Variants in FANCG observed in about 807,000 individuals in gnomAD.
FANCG encodes FA complementation group G, also known as Fanconi anemia group G protein.
In FANCG, 67 loss-of-function variants were observed where a neutral mutation model predicts 73.3. The ratio of observed to expected loss-of-function variants is 0.91; its 90% CI spans 0.75 to 1.12. The LOEUF (loss-of-function observed/expected upper bound fraction) is 1.12, where lower values mean the gene tolerates loss of function less well. Among genes scored for constraint, FANCG ranks in the 50% most tolerant of loss-of-function variants. The pLI is 0.00. For synonymous variants in FANCG, 297 were observed against 311.6 expected, an observed-to-expected ratio of 0.95 and a Z score of 0.49; for missense variants, 643 against 735.6, an observed-to-expected ratio of 0.87 and a Z score of 1.46.
Position 35,079,160 on chromosome 9 carries a change from T to A in FANCG, c.166A>T (p.Ser56Cys). Reference protein sequence around the residue: ...ALEGLRGLLHSLQGLPAAVPV... With the variant: ...ALEGLRGLLHCLQGLPAAVPV... ...GGGAGGACCCGCCTACCTTGCAGAC[T>A]ATGGAGGAGCCCTCTGAGCCCTTCC... The change falls in exon 2 of 14, where the codon AGT becomes TGT. Residue 56 changes from serine (S) to cysteine (C), a missense_variant. Transcript: ENST00000378643. 5 of 1,607,374 alleles carry A rather than the reference T, an allele frequency of 3.1e-6. No individual in the cohort carries two copies. The highest frequency in any genetic ancestry group is 4.2e-6 in the Non-Finnish European group (5 of 1,177,038).
rs1456033447 is a variant in FANCG, at chr9:35,075,074, A to C, written c.1489T>G (p.Phe497Val). ...GACTTACATCCCTGCTCACAGTTGA[A>C]AGCTGCCCCTGGGGACCACTCCCAA... The part of the protein sequence containing the change: ...TPEEKEQGAA[F>V]NCEQGCKSDA... The change falls in exon 12 of 14, where the codon TTC becomes GTC. Residue 497 changes from phenylalanine to valine, a missense_variant. Physicochemically the swap from Phe to Val is conservative, Grantham distance 50. Transcript: ENST00000378643. 5 of 1,614,004 alleles carry C rather than the reference A, an allele frequency of 3.1e-6. No individual in the cohort carries two copies. Among genetic ancestry groups the C allele is most frequent in the Non-Finnish European group, 4.2e-6 (5 of 1,180,028 alleles).
At position 35,078,176 on chromosome 9, in the gene FANCG, G is replaced by A. The variant is rs2131058310; in HGVS notation, c.475C>T (p.Leu159=). Residue 159 remains leucine (L), a synonymous_variant, in exon 4 of 14, where the codon CTG becomes TTG. Transcript: ENST00000378643. ...LWLSADRLGD[L]ALLLETLNGS... ...TTCAGGGTCTCTAGTAACAAGGCCA[G>A]GTCCCCAAGACGGTCAGCACTCAAC... 1 of 1,614,160 alleles carries A rather than the reference G, an allele frequency of 6.2e-7. No homozygotes were observed.
intron 2 of FANCG, 83 bp downstream of exon 2, chr9:35,079,068 A>T: frequency 5.0e-6 from 6 of 1,206,420 alleles, no homozygotes; most frequent in Non-Finnish European, 7.2e-6. Context: ...CCGAGTAATT[A>T]TATCGATCCC....
chr9:35,079,807 C>G lies in FANCG; in HGVS notation c.-283G>C. ...TTGAAGAGTTAGTTCCCGCGGGAAA[C>G]TCGGGGAGGAAACGAGTCAGCAACC... On this transcript the variant is annotated 5_prime_UTR_variant, in exon 1 of 14. Transcript: ENST00000378643. The G allele has an allele frequency of 5.9e-6, 3 of 512,344 alleles. No individual in the cohort carries two copies. Among genetic ancestry groups the G allele is most frequent in the Non-Finnish European group, 1.1e-5 (3 of 279,700 alleles). The allele number at this position is 512,344 out of a possible 1,614,324, so 31.7% of individuals were successfully genotyped here. A position where few individuals can be genotyped will look rare whatever the true frequency, so the allele number is the denominator to read the frequency against.
rs1234235630 is a variant in FANCG, at chr9:35,079,900, G to A, written c.-376C>T. On this transcript the variant is annotated 5_prime_UTR_variant, in exon 1 of 14. Transcript: ENST00000378643. ...CTGGGGCAGTCGCACGGCCGGCGGT[G>A]CGGCCCGCTCGGCTCTCGCGGAGGC... 1.2e-5 allele frequency: 5 copies of A among 415,654 alleles called. No individual in the cohort carries two copies. Among genetic ancestry groups the A allele is most frequent in the Non-Finnish European group, 2.3e-5 (5 of 220,872 alleles). The allele number at this position is 415,654 out of a possible 1,614,324, so 25.7% of individuals were successfully genotyped here. A position where few individuals can be genotyped will look rare whatever the true frequency, so the allele number is the denominator to read the frequency against.
chr9:35,079,060 G>A (rs1027774894), intron 2 of FANCG, 91 bp downstream of exon 2: 5 of 1,124,974 alleles, frequency 4.4e-6, no homozygotes, highest in Non-Finnish European at 6.5e-6. Context: ...TCCCTGCCCC[G>A]AGTAATTATA....
Position 35,076,018 on chromosome 9 carries a change from C to T in FANCG, c.1087G>A (p.Ala363Thr), listed in dbSNP as rs768324970. 19 of 1,613,956 alleles carry T rather than the reference C, an allele frequency of 1.2e-5. No homozygotes were observed. Among genetic ancestry groups the T allele is most frequent in the Admixed American group, 1.2e-4 (7 of 60,010 alleles). ...RCLQTGRAGD[A>T]AEHYLDLLAL... ...AGCAGGTCCAAGTAATGCTCTGCAG[C>T]GTCTCCTGCCCTGAGGAGTAAAAGC... Residue 363 changes from alanine (A) to threonine (T), a missense_variant, in exon 9 of 14, where the codon GCT (alanine) becomes ACT (threonine). Coordinates refer to ENST00000378643, the MANE Select transcript of FANCG (RefSeq NM_004629.2).
chr9:35,076,759 T>C lies in FANCG; in HGVS notation c.889A>G (p.Thr297Ala), dbSNP rs1387115208. Residue 297 changes from threonine to alanine, a missense_variant, in exon 7 of 14, where the codon ACA becomes GCA. Thr to Ala is a moderately conservative substitution (Grantham distance 58, BLOSUM62 0). Transcript: ENST00000378643. ...SRLYQQLGDT[T>A]AELESLELLV... is the part of the protein sequence containing the mutation. Reference sequence around the variant, plus strand: ...AGCTCCAGACTCTCCAGCTCTGCTGTTGTGTCCCCCAGTTGCTGATAGAGC... The same window carrying C: ...AGCTCCAGACTCTCCAGCTCTGCTGCTGTGTCCCCCAGTTGCTGATAGAGC... The C allele has an allele frequency of 2.5e-6, 4 of 1,614,194 alleles. No homozygotes were observed. The highest frequency in any genetic ancestry group is 3.4e-6 in the Non-Finnish European group (4 of 1,180,030).
Position 35,075,734 on chromosome 9 carries a change from AGGGGAGG to A in FANCG, c.1157_1163del (p.Pro386LeufsTer15). ...ACACCTCAGGCATACAGGGCCCTGG[AGGGGAGG>A]GGGGTGGGGAGAACTGGAGTGGGAA... On this transcript the variant is annotated frameshift_variant, in exon 10 of 14. Coordinates refer to ENST00000378643, the MANE Select transcript of FANCG (RefSeq NM_004629.2). LOFTEE classifies it high-confidence loss of function. 4 of 602,796 alleles carry A rather than the reference AGGGGAGG, an allele frequency of 6.6e-6. No homozygotes were observed. Among genetic ancestry groups the A allele is most frequent in the South Asian group, 1.4e-5 (1 of 70,746 alleles). 37.3% of individuals were successfully genotyped at this position (602,796 alleles called of 1,614,324 possible). A position where few individuals can be genotyped will look rare whatever the true frequency, so the allele number is the denominator to read the frequency against.
At position 35,074,968 on chromosome 9, in the gene FANCG, T is replaced by C. The variant is rs1587139402; in HGVS notation, c.1595A>G (p.Lys532Arg). Residue 532 changes from lysine (K) to arginine (R), a missense_variant, in exon 12 of 14, where the codon AAA (lysine) becomes AGA (arginine). Physicochemically the swap from Lys to Arg is conservative, Grantham distance 26. Transcript: ENST00000378643. ...ACTGAGGAGGAAGTCCTGTAAGGCT[T>C]TGGTATCCTGGCCGCTGGCTACCCA... ...LEWVASGQDTKALQDFLLSVQ... is the reference protein window; with the variant it reads ...LEWVASGQDTRALQDFLLSVQ... The C allele has an allele frequency of 1.2e-6, 2 of 1,614,106 alleles. No homozygotes were observed. Among genetic ancestry groups the C allele is most frequent in the African/African-American group, 1.3e-5 (1 of 74,938 alleles).
chr9:35,079,064 A>T, intron 2 of FANCG, 87 bp downstream of exon 2: 1 of 1,155,424 alleles, frequency 8.7e-7, no homozygotes, highest in Non-Finnish European at 1.3e-6. Context: ...TGCCCCGAGT[A>T]ATTATATCGA....
chr9:35,078,839 T>A, intron 2 of FANCG, 103 bp from the exon 3 acceptor site: 1 of 1,455,170 alleles, frequency 6.9e-7, no homozygotes, highest in Non-Finnish European at 9.6e-7. Flanking sequence ...ACAGCTACAA[T>A]AAAGAACCCA....
In FANCG at chr9:35,079,793, G is replaced by GT. The variant is rs1829149920; in HGVS notation, c.-270dup. Reference sequence around the variant, plus strand: ...TGCGGTTGGTCCTCTTGAAGAGTTAGTTCCCGCGGGAAACTCGGGGAGGAA... The same window carrying GT: ...TGCGGTTGGTCCTCTTGAAGAGTTAGTTTCCCGCGGGAAACTCGGGGAGGAA... On this transcript the variant is annotated 5_prime_UTR_variant, in exon 1 of 14. Coordinates refer to ENST00000378643, the MANE Select transcript of FANCG (RefSeq NM_004629.2). 1 of 534,102 alleles carries GT rather than the reference G, an allele frequency of 1.9e-6. No individual in the cohort carries two copies. The highest frequency in any genetic ancestry group is 3.4e-6 in the Non-Finnish European group (1 of 294,082). 33.1% of individuals were successfully genotyped at this position (534,102 alleles called of 1,614,324 possible).
rs1829135557 is a variant in FANCG, at chr9:35,079,015, T to G, written c.175+136A>C. On this transcript the variant is annotated intron_variant, in intron 2 of 13. Coordinates refer to ENST00000378643, the MANE Select transcript of FANCG (RefSeq NM_004629.2). ...GAGGGATTTGCCTGTACAAAGATGA[T>G]TCCACTCCAGTCTCCTCTGTGCCTT... 11 of 822,618 alleles carry G rather than the reference T, an allele frequency of 1.3e-5. No homozygotes were observed. The South Asian group carries it at 1.6e-4, about 12-fold the overall frequency. 51.0% of individuals were successfully genotyped at this position (822,618 alleles called of 1,614,324 possible).
intron 8 of FANCG, 141 bp from the exon 9 acceptor site, chr9:35,076,169 A>T: frequency 1.0e-6 from 1 of 955,698 alleles, no homozygotes; most frequent in Non-Finnish European, 1.7e-6. Context: ...TTAGGGCTCC[A>T]ATTTTGGCTC....
Position 35,076,870 on chromosome 9 carries a change from C to A in FANCG, c.778G>T (p.Gly260Ter). 1 of 1,614,224 alleles carries A rather than the reference C, an allele frequency of 6.2e-7. No individual in the cohort carries two copies. The highest frequency in any genetic ancestry group is 8.5e-7 in the Non-Finnish European group (1 of 1,180,052). The change falls in exon 7 of 14, where the codon GGA (glycine) becomes TGA (stop). Residue 260 changes from glycine (G) to a stop codon, truncating the protein, a stop_gained and splice_region_variant. Transcript: ENST00000378643. LOFTEE classifies it high-confidence loss of function. ...TALGSCHRKM[G>*]NPQRALLYLV... ...TACAACAGTGCTCTCTGTGGATTTC[C>A]CTAAAGGGATAGGAGGACACGGGCC...
chr9:35,074,856 C>T (rs1346516572), intron 12 of FANCG, 71 bp downstream of exon 12: 1 of 1,589,680 alleles, frequency 6.3e-7, no homozygotes, highest in African/African-American at 1.3e-5. Context: ...ACACTTACGC[C>T]CAAGTATTTC....
In FANCG at chr9:35,079,023, C is replaced by A. The variant is rs993483200; in HGVS notation, c.175+128G>T. The A allele has an allele frequency of 1.3e-5, 11 of 834,348 alleles. No individual in the cohort carries two copies. The African/African-American group carries it at 1.8e-4, about 14-fold the overall frequency. The allele number at this position is 834,348 out of a possible 1,614,324, so 51.7% of individuals were successfully genotyped here. ...TGCCTGTACAAAGATGATTCCACTC[C>A]AGTCTCCTCTGTGCCTTAAACAGGA... On this transcript the variant is annotated intron_variant, in intron 2 of 13. Transcript: ENST00000378643.
intron 3 of FANCG, 66 bp from the exon 4 acceptor site, chr9:35,078,409 CCA>C: frequency 6.4e-7 from 1 of 1,560,970 alleles, no homozygotes; most frequent in Non-Finnish European, 8.8e-7. Flanking sequence ...CTCCATCTCC[CCA>C]CACACTCTGG....
Sources: allele counts gnomAD v4.1 joint callset, GRCh38; gene constraint gnomAD v4.1.1; transcripts MANE v1.5; gene names NCBI Gene and HGNC (gene_info 2026-07-23, HGNC 2026-07-21).